ADRA1B: variants seen among roughly 807,000 people sequenced by gnomAD.
ADRA1B encodes the protein adrenoceptor alpha 1B.
In ADRA1B, 17 loss-of-function variants were observed where a neutral mutation model predicts 17.9. The ratio of observed to expected loss-of-function variants is 0.95; its 90% CI spans 0.65 to 1.42. ADRA1B has a LOEUF of 1.42. ADRA1B is among the 40% of genes most tolerant of loss of function. The pLI is 0.00. For missense variants in ADRA1B, 681 were observed against 722.1 expected, an observed-to-expected ratio of 0.94 and a Z score of 0.65; for synonymous variants, 366 against 327.6, an observed-to-expected ratio of 1.12 and a Z score of -1.27.
chr5:159,910,442 A>G (rs1026789249), intron 1 of ADRA1B, among the ~76,000 whole-genome samples: 6 of 152,198 alleles, frequency 3.9e-5, no homozygotes, highest in African/African-American at 1.4e-4. Flanking sequence ...CTGGCTAGTG[A>G]CCCTGGCTCT....
At chr5:159,958,920 G>A (rs1010844604) in intron 1 of ADRA1B, among the ~76,000 whole-genome samples, 3 of 152,198 alleles carry the variant, frequency 2.0e-5, no homozygotes, top group African/African-American at 7.2e-5. Flanking sequence ...ATCAAAGATG[G>A]AAGCTTAGTG....
chr5:159,921,565 C>A (rs1754483094), intron 1 of ADRA1B, among the ~76,000 whole-genome samples: 1 of 152,096 alleles, frequency 6.6e-6, no homozygotes, highest in African/African-American at 2.4e-5. Flanking sequence ...TGCTCCGCAG[C>A]CAACCAGTAG....
intron 1 of ADRA1B, among the ~76,000 whole-genome samples, chr5:159,889,777 C>T (rs746193358): frequency 3.4e-5 from 5 of 145,418 alleles, no homozygotes; most frequent in Non-Finnish European, 6.1e-5. Context: ...TGAGATCTAC[C>T]CAAATCTTTT....
chr5:159,960,061 C>T (rs1755637677), intron 1 of ADRA1B, among the ~76,000 whole-genome samples: 1 of 152,164 alleles, frequency 6.6e-6, no homozygotes, highest in Non-Finnish European at 1.5e-5. Flanking sequence ...CACGAGGCAC[C>T]CTCATGCCTA....
intron 1 of ADRA1B, among the ~76,000 whole-genome samples, chr5:159,967,993 C>T (rs1201042571): frequency 1.3e-5 from 2 of 152,190 alleles, no homozygotes; most frequent in Non-Finnish European, 2.9e-5. Context: ...ATGCCCCCTT[C>T]CTAATGCTAC....
chr5:159,951,669 C>T lies in ADRA1B; in HGVS notation c.950-20210C>T, dbSNP rs564197731. ...GCTCCTCGGGCCGGAACCTGAGCTGCCCTGGCCTGGCTACCCACCCATAGC... is the reference window on the plus strand; with the variant it reads ...GCTCCTCGGGCCGGAACCTGAGCTGTCCTGGCCTGGCTACCCACCCATAGC... On this transcript the variant is annotated intron_variant, in intron 1 of 1. Transcript: ENST00000306675. Among the ~76,000 whole-genome samples, 420 of 152,262 alleles carry T rather than the reference C, an allele frequency of 2.8e-3. 2 individuals carry two copies. Among genetic ancestry groups the T allele is most frequent in the African/African-American group, 9.8e-3 (407 of 41,536 alleles).
intron 1 of ADRA1B, among the ~76,000 whole-genome samples, chr5:159,906,178 G>C (rs1581026151): frequency 6.6e-6 from 1 of 152,206 alleles, no homozygotes; most frequent in South Asian, 2.1e-4. Flanking sequence ...AATGAGCCCA[G>C]TGGAGGCAAG....
chr5:159,940,992 G>A (rs1161679878), intron 1 of ADRA1B, among the ~76,000 whole-genome samples: 1 of 152,200 alleles, frequency 6.6e-6, no homozygotes, highest in African/African-American at 2.4e-5. Context: ...TTTCTTCTCT[G>A]TGTTGTCTGT....
chr5:159,919,722 CCTGCAG>C (rs1353084470), intron 1 of ADRA1B, among the ~76,000 whole-genome samples: 1 of 152,236 alleles, frequency 6.6e-6, no homozygotes, highest in African/African-American at 2.4e-5. Flanking sequence ...TGGCCTCCAG[CCTGCAG>C]AGGCTGTGAC....
chr5:159,896,958 C>T lies in ADRA1B; in HGVS notation c.-255-19161C>T, dbSNP rs748576912. Among the ~76,000 whole-genome samples the T allele has an allele frequency of 8.5e-5, 13 of 152,272 alleles. 1 individual carries two copies. Among genetic ancestry groups the T allele is most frequent in the Middle Eastern group, 3.4e-3 (1 of 294 alleles). On this transcript the variant is annotated intron_variant, in intron 1 of 2. Coordinates refer to the ADRA1B transcript ENST00000641205. ...TCTGCCCAGGTCTCAAATAATTATTCATATAATATGAGACAATGGAAAAAT... is the reference window on the plus strand; with the variant it reads ...TCTGCCCAGGTCTCAAATAATTATTTATATAATATGAGACAATGGAAAAAT...
intron 1 of ADRA1B, chr5:159,951,374 G>T: frequency 1.0e-6 from 1 of 978,712 alleles, no homozygotes; most frequent in Non-Finnish European, 1.6e-6. Flanking sequence ...TGTAAACCAT[G>T]TAGTTGAGGT....
At chr5:159,899,267 G>GAAGGAAGA (rs1325222247) in intron 1 of ADRA1B, among the ~76,000 whole-genome samples, 61 of 95,952 alleles carry the variant, frequency 6.4e-4, no homozygotes, top group East Asian at 4.1e-3. Flanking sequence ...AGGAAGAAAG[G>GAAGGAAGA]AAGGAAGGAA....
chr5:159,923,585 G>A (rs1754553199), intron 1 of ADRA1B, among the ~76,000 whole-genome samples: 1 of 152,272 alleles, frequency 6.6e-6, no homozygotes, highest in Non-Finnish European at 1.5e-5. Flanking sequence ...CAGCAAACAA[G>A]ATACCTCCCA....
At chr5:159,987,936 C>G in the ADRA1B span, among the ~76,000 whole-genome samples, 53 of 152,252 alleles carry the variant, frequency 3.5e-4, no homozygotes, top group African/African-American at 1.2e-3. Flanking sequence ...CCCCCCTCGG[C>G]CGGCCGCCCA....
At chr5:159,874,746 G>T (rs1309616980) in intron 1 of ADRA1B, among the ~76,000 whole-genome samples, 2 of 152,164 alleles carry the variant, frequency 1.3e-5, no homozygotes, top group Non-Finnish European at 2.9e-5. Context: ...GCCTGGACTT[G>T]CCCCCTTGGG....
chr5:159,962,893 T>A (rs1237748508), intron 1 of ADRA1B, among the ~76,000 whole-genome samples: 1 of 147,012 alleles, frequency 6.8e-6, no homozygotes. Flanking sequence ...TTAGCTTTTA[T>A]TTCTTTTTCT....
intron 1 of ADRA1B, chr5:159,947,702 C>CT: frequency 1.0e-6 from 1 of 985,368 alleles, no homozygotes; most frequent in Non-Finnish European, 1.2e-6. Context: ...AGCAAAGGCT[C>CT]TTTAAGCTTG....
intron 1 of ADRA1B, among the ~76,000 whole-genome samples, chr5:159,906,252 A>C (rs1437644222): frequency 6.6e-6 from 1 of 152,236 alleles, no homozygotes; most frequent in Non-Finnish European, 1.5e-5. Flanking sequence ...AATCCTCTCT[A>C]TGAGACATTC....
chr5:159,940,049 G>A (rs934871772), intron 1 of ADRA1B, among the ~76,000 whole-genome samples: 1 of 152,202 alleles, frequency 6.6e-6, no homozygotes. Context: ...GGACAACTCA[G>A]TAAGTGAATG....
Sources: gnomAD v4.1 joint callset for allele counts (sites outside exome capture counted in the v4.1 genomes callset) on GRCh38, gnomAD v4.1.1 for gene constraint, MANE v1.5 for transcripts, NCBI Gene and HGNC (gene_info 2026-07-23, HGNC 2026-07-21) for gene names.